The following NCAM2 variants were observed in gnomAD, a reference collection of about 807,000 sequenced individuals.
NCAM2 encodes N-CAM-2.
Under a neutral mutation model 98.1 loss-of-function variants are expected in NCAM2, and 30 were observed. That is an observed-to-expected ratio of 0.31 (90% CI 0.23 to 0.41). The LOEUF (loss-of-function observed/expected upper bound fraction) is 0.41, where lower values mean the gene tolerates loss of function less well. Ranked by LOEUF, NCAM2 falls within the 10% of genes least tolerant of loss-of-function variation. The pLI, the probability that NCAM2 is intolerant of heterozygous loss-of-function variation, is 1.00. For missense variants in NCAM2, 867 were observed against 1,005.8 expected, an observed-to-expected ratio of 0.86 and a Z score of 1.87; for synonymous variants, 368 against 342.4, an observed-to-expected ratio of 1.07 and a Z score of -0.83.
chr21:21,017,710 C>G (rs2064342144), intron 1 of NCAM2, among the ~76,000 whole-genome samples: 1 of 152,068 alleles, frequency 6.6e-6, no homozygotes. Context: ...TATGCACGCG[C>G]TCCATAATTT....
intron 9 of NCAM2, among the ~76,000 whole-genome samples, chr21:21,381,076 A>G (rs145034908): frequency 6.6e-6 from 1 of 152,350 alleles, no homozygotes; most frequent in Admixed American, 6.5e-5. Flanking sequence ...ATATGATAGA[A>G]TATTGCTTTC....
chr21:21,460,189 C>T (rs1332787235), intron 12 of NCAM2, among the ~76,000 whole-genome samples: 1 of 151,782 alleles, frequency 6.6e-6, no homozygotes, highest in Non-Finnish European at 1.5e-5. Flanking sequence ...GGAGATAATA[C>T]ATTTTCCTTA....
chr21:21,326,194 C>T (rs2074507000), intron 6 of NCAM2, among the ~76,000 whole-genome samples: 1 of 152,074 alleles, frequency 6.6e-6, no homozygotes, highest in Non-Finnish European at 1.5e-5. Flanking sequence ...AGTGTTAGAA[C>T]ATATGTCCTT....
At chr21:21,245,809 G>C (rs116639137) in intron 1 of NCAM2, among the ~76,000 whole-genome samples, 2 of 152,012 alleles carry the variant, frequency 1.3e-5, no homozygotes, top group African/African-American at 4.8e-5. Context: ...TAGATAGGGA[G>C]ATGGTAGAGA....
chr21:21,103,199 C>T (rs1046144258), intron 1 of NCAM2, among the ~76,000 whole-genome samples: 3 of 150,104 alleles, frequency 2.0e-5, no homozygotes, highest in African/African-American at 4.9e-5. Flanking sequence ...TGCAATCTCA[C>T]CTTATTTTTA....
At chr21:21,345,709 A>G (rs980659303) in intron 8 of NCAM2, among the ~76,000 whole-genome samples, 2 of 152,148 alleles carry the variant, frequency 1.3e-5, no homozygotes, top group African/African-American at 4.8e-5. Context: ...ATGCAAAGGG[A>G]TAATAGGAAC....
intron 16 of NCAM2, among the ~76,000 whole-genome samples, chr21:21,509,321 T>C (rs1258320053): frequency 6.6e-6 from 1 of 152,142 alleles, no homozygotes; most frequent in African/African-American, 2.4e-5. Context: ...GATTTATAGA[T>C]GATAAACATA....
At chr21:21,261,895 C>T (rs990605503) in intron 1 of NCAM2, among the ~76,000 whole-genome samples, 1 of 151,866 alleles carries the variant, frequency 6.6e-6, no homozygotes, top group Non-Finnish European at 1.5e-5. Context: ...ACCAAAAAAT[C>T]ATACAAAGAA....
At chr21:21,406,667 T>G (rs1672836270) in intron 9 of NCAM2, among the ~76,000 whole-genome samples, 1 of 152,312 alleles carries the variant, frequency 6.6e-6, no homozygotes, top group East Asian at 1.9e-4. Context: ...TATCTTAACT[T>G]TTTTCTACTC....
intron 15 of NCAM2, among the ~76,000 whole-genome samples, chr21:21,501,148 T>A (rs1039879723): frequency 1.3e-5 from 2 of 152,046 alleles, no homozygotes; most frequent in Non-Finnish European, 1.5e-5. Flanking sequence ...AAAACAAACA[T>A]TTAATTCATC....
intron 1 of NCAM2, among the ~76,000 whole-genome samples, chr21:21,209,313 T>C (rs1335718035): frequency 2.6e-5 from 4 of 152,174 alleles, no homozygotes; most frequent in Admixed American, 2.6e-4. Context: ...ACTTCTAGAC[T>C]CAAGTAATCC....
In NCAM2 at chr21:21,468,735, G is replaced by C. The variant is rs1434757367; in HGVS notation, c.1848G>C (p.Gln616His). Residue 616 changes from glutamine (Q) to histidine (H), a missense_variant, in exon 14 of 18, where the codon CAG becomes CAC. Transcript: ENST00000400546. Reference protein sequence around the residue: ...GKSFKLSITKQDDGGAPILEY... With the variant: ...GKSFKLSITKHDDGGAPILEY... ...GCTTTAAACTCAGCATCACCAAACA[G>C]GACGATGGAGGGGCCCCTATTTTGG... 1.9e-6 allele frequency: 3 copies of C among 1,611,844 alleles called. No individual in the cohort carries two copies. In the African/African-American group the frequency reaches 4.0e-5, roughly 22 times the overall value.
At chr21:21,472,993 C>T (rs1026261464) in intron 14 of NCAM2, among the ~76,000 whole-genome samples, 51 of 124,368 alleles carry the variant, frequency 4.1e-4, no homozygotes, top group Non-Finnish European at 8.1e-4. Flanking sequence ...CACACACACA[C>T]GCACACATAC....
intron 8 of NCAM2, among the ~76,000 whole-genome samples, chr21:21,342,550 CAGCA>C (rs910666903): frequency 2.0e-5 from 3 of 152,096 alleles, no homozygotes; most frequent in African/African-American, 7.2e-5. Flanking sequence ...TCTTTTGTGG[CAGCA>C]GGCTTTCTCC....
intron 1 of NCAM2, among the ~76,000 whole-genome samples, chr21:21,092,971 G>A (rs950754597): frequency 2.0e-5 from 3 of 151,640 alleles, no homozygotes; most frequent in Non-Finnish European, 4.4e-5. Flanking sequence ...TGGAATATCA[G>A]TAACCTGACA....
In NCAM2 at chr21:21,368,412, G is replaced by GT. The variant is rs2075837138; in HGVS notation, c.1045-5450dup. Among the ~76,000 whole-genome samples the GT allele has an allele frequency of 2.0e-5, 3 of 151,862 alleles. No individual in the cohort carries two copies. The South Asian group carries it at 6.2e-4, about 32-fold the overall frequency. Reference sequence around the variant, plus strand: ...TTACCTTTCCCAGCATGTCATCAGTGTAATAATGTATTTCCAGTTGTTCTC... The same window carrying GT: ...TTACCTTTCCCAGCATGTCATCAGTGTTAATAATGTATTTCCAGTTGTTCTC... On this transcript the variant is annotated intron_variant, in intron 8 of 17. Transcript: ENST00000400546.
intron 1 of NCAM2, among the ~76,000 whole-genome samples, chr21:21,196,899 C>T (rs542101333): frequency 1.3e-5 from 2 of 152,174 alleles, no homozygotes; most frequent in South Asian, 2.1e-4. Context: ...CTGTTCCTGT[C>T]GTACTGAGTG....
intron 12 of NCAM2, among the ~76,000 whole-genome samples, chr21:21,452,114 T>A (rs1350172730): frequency 7.5e-6 from 1 of 132,592 alleles, no homozygotes; most frequent in Non-Finnish European, 1.6e-5. Flanking sequence ...ATCTCTTATG[T>A]TATGTAATTT....
At chr21:21,407,767 T>C (rs893236882) in intron 9 of NCAM2, among the ~76,000 whole-genome samples, 2 of 152,240 alleles carry the variant, frequency 1.3e-5, no homozygotes, top group African/African-American at 2.4e-5. Flanking sequence ...TTTGTAATTA[T>C]ATTTTCCTTA....
Sources: allele counts gnomAD v4.1 joint callset (sites outside exome capture counted in the v4.1 genomes callset), GRCh38; gene constraint gnomAD v4.1.1; transcripts MANE v1.5; gene names NCBI Gene and HGNC (gene_info 2026-07-23, HGNC 2026-07-21).